Variants in THOC1 observed in about 807,000 individuals in gnomAD.
The protein encoded by THOC1 is THO complex 1.
THOC1 carries 29 observed loss-of-function variants against 97.3 expected under a neutral mutation model. The ratio of observed to expected loss-of-function variants is 0.30; its 90% confidence interval spans 0.22 to 0.41. THOC1 has a LOEUF of 0.41. THOC1 is among the 10% of genes least tolerant of loss of function. The probability of loss-of-function intolerance (pLI) is 1.00; values close to 1 mark genes in which losing one functional copy is unlikely to be tolerated. For synonymous variants in THOC1, 255 were observed against 257.0 expected, an observed-to-expected ratio of 0.99 and a Z score of 0.07; for missense variants, 529 against 761.9, an observed-to-expected ratio of 0.69 and a Z score of 3.60.
intron 9 of THOC1, among the ~76,000 whole-genome samples, chr18:251,124 C>T (rs1057257624): frequency 1.3e-5 from 2 of 152,192 alleles, no homozygotes; most frequent in African/African-American, 4.8e-5. Context: ...TGATCATCGT[C>T]TTATTTAATC....
intron 7 of THOC1, among the ~76,000 whole-genome samples, chr18:256,729 A>C (rs969858106): frequency 6.6e-6 from 1 of 152,152 alleles, no homozygotes; most frequent in African/African-American, 2.4e-5. Flanking sequence ...TTAGTTGATA[A>C]AGTAGCGGCA....
intron 2 of THOC1, 25 bp downstream of exon 2, chr18:265,431 AT>A: frequency 1.9e-6 from 3 of 1,587,800 alleles, no homozygotes; most frequent in Non-Finnish European, 2.6e-6. Flanking sequence ...TGAGGCAAGT[AT>A]TTTTCATAGA....
chr18:255,672 G>A (rs1348932261), intron 7 of THOC1, among the ~76,000 whole-genome samples: 1 of 152,170 alleles, frequency 6.6e-6, no homozygotes, highest in East Asian at 1.9e-4. Context: ...TATTGATGAA[G>A]GTGGCTACAC....
At chr18:260,730 G>A (rs1330741324) in intron 4 of THOC1, 4 of 152,400 alleles carry the variant, frequency 2.6e-5, no homozygotes, top group African/African-American at 9.6e-5. Context: ...AGGCAGTCTG[G>A]CTCCACAGTC....
chr18:223,584 T>C (rs1385273560), intron 16 of THOC1, 79 bp from the exon 17 acceptor site: 1 of 1,162,524 alleles, frequency 8.6e-7, no homozygotes, highest in Non-Finnish European at 1.2e-6. Context: ...AGAAAAACAA[T>C]ACAATGTAAA....
intron 4 of THOC1, among the ~76,000 whole-genome samples, chr18:261,367 A>G (rs567354604): frequency 1.3e-5 from 2 of 152,340 alleles, no homozygotes; most frequent in East Asian, 3.9e-4. Flanking sequence ...GCATTAATAT[A>G]CTATGTCCAG....
rs185986237 is a variant in THOC1, at chr18:214,526, T to C, written c.*100A>G. The stretch of plus-strand genomic sequence containing the variant: ...CCAGCCGACTGTACAACAATTGTTA[T>C]AAAAATGTTTATTGTTTACCAAAAC... On this transcript the variant is annotated 3_prime_UTR_variant, in exon 21 of 21. Transcript: ENST00000261600. 2 of 962,020 alleles carry C rather than the reference T, an allele frequency of 2.1e-6. No homozygotes were observed. The highest frequency in any genetic ancestry group is 3.1e-6 in the Non-Finnish European group (2 of 653,332). 59.6% of individuals were successfully genotyped at this position (962,020 alleles called of 1,614,324 possible). A position where few individuals can be genotyped will look rare whatever the true frequency, so the allele number is the denominator to read the frequency against.
intron 11 of THOC1, among the ~76,000 whole-genome samples, chr18:239,930 G>T (rs990982764): frequency 6.6e-6 from 1 of 151,982 alleles, no homozygotes; most frequent in African/African-American, 2.4e-5. Flanking sequence ...GTCTGTCCAG[G>T]AGTCCAAAAT....
At position 246,057 on chromosome 18, in the gene THOC1, T is replaced by C. The variant is rs969386512; in HGVS notation, c.918+267A>G. ...ATCCTAACTTGACATTTAAAATATA[T>C]AGACATGAAAGTAATTAAACTGCAT... is the stretch of plus-strand genomic sequence containing the variant. On this transcript the variant is annotated intron_variant, in intron 11 of 20. Transcript: ENST00000261600. 4 of 232,056 alleles carry C rather than the reference T, an allele frequency of 1.7e-5. No individual in the cohort carries two copies. The East Asian group carries it at 3.0e-4, about 17-fold the overall frequency. 14.4% of individuals were successfully genotyped at this position (232,056 alleles called of 1,614,324 possible).
At chr18:247,241 A>AT (rs1747940698) in intron 10 of THOC1, among the ~76,000 whole-genome samples, 1 of 152,230 alleles carries the variant, frequency 6.6e-6, no homozygotes, top group Non-Finnish European at 1.5e-5. Context: ...AGAACTACCT[A>AT]TTTATCTTAG....
At chr18:215,843 A>T (rs1910863319) in intron 19 of THOC1, 1 of 247,852 alleles carries the variant, frequency 4.0e-6, no homozygotes, top group East Asian at 9.6e-5. Flanking sequence ...AGTGTCCTTA[A>T]AAGTTTCTGA....
At chr18:218,020 C>T (rs1424686899) in intron 18 of THOC1, among the ~76,000 whole-genome samples, 1 of 152,156 alleles carries the variant, frequency 6.6e-6, no homozygotes, top group Non-Finnish European at 1.5e-5. Flanking sequence ...TTAAAGATCA[C>T]TGGCTGATGC....
intron 15 of THOC1, among the ~76,000 whole-genome samples, chr18:224,638 A>G (rs1345636945): frequency 2.0e-5 from 3 of 152,176 alleles, no homozygotes; most frequent in Admixed American, 6.5e-5. Context: ...GATATAAGAT[A>G]AAAATGCCAC....
At chr18:227,308 TA>T (rs1478702886) in intron 11 of THOC1, among the ~76,000 whole-genome samples, 1 of 151,568 alleles carries the variant, frequency 6.6e-6, no homozygotes, top group African/African-American at 2.4e-5. Flanking sequence ...AGCAAGACTC[TA>T]AATTTAAAAA....
At chr18:266,662 C>T (rs986590237) in intron 1 of THOC1, among the ~76,000 whole-genome samples, 6 of 152,018 alleles carry the variant, frequency 3.9e-5, no homozygotes, top group Admixed American at 3.3e-4. Flanking sequence ...CTCAGCCTCC[C>T]AAGTAGATGG....
Position 252,769 on chromosome 18 carries a change from AT to A in THOC1, c.604-158del, listed in dbSNP as rs199766127. 7.9e-4 allele frequency among the ~76,000 whole-genome samples: 121 copies of A among 152,372 alleles called. 1 individual carries two copies. In the East Asian group the frequency reaches 0.021, roughly 27 times the overall value. On this transcript the variant is annotated intron_variant, in intron 8 of 20. Transcript: ENST00000261600. ...AGACCTATAGTTAATCTGTAAGGCA[AT>A]CAGAATTTTACCTGATGGACAGAAG...
At chr18:229,236 A>G (rs1038881623) in intron 11 of THOC1, among the ~76,000 whole-genome samples, 3 of 152,158 alleles carry the variant, frequency 2.0e-5, no homozygotes, top group African/African-American at 7.2e-5. Flanking sequence ...GCTCCTTTCC[A>G]TAAGCATTAA....
chr18:261,080 C>T (rs1042117661), intron 4 of THOC1: 1 of 152,050 alleles, frequency 6.6e-6, no homozygotes, highest in African/African-American at 2.4e-5. Flanking sequence ...TTGATATTAA[C>T]TATGATTCAA....
At chr18:223,039 A>C (rs565802465) in intron 17 of THOC1, among the ~76,000 whole-genome samples, 1 of 151,994 alleles carries the variant, frequency 6.6e-6, no homozygotes, top group Non-Finnish European at 1.5e-5. Flanking sequence ...TTAATCATTA[A>C]TTAACCCATT....
Sources: allele counts gnomAD v4.1 joint callset (sites outside exome capture counted in the v4.1 genomes callset), GRCh38; gene constraint gnomAD v4.1.1; transcripts MANE v1.5; gene names NCBI Gene and HGNC (gene_info 2026-07-23, HGNC 2026-07-21).